SPAG16: variants seen among roughly 807,000 people sequenced by gnomAD.
SPAG16 encodes the protein sperm associated antigen 16.
SPAG16 carries 86 observed loss-of-function variants against 80.4 expected under a neutral mutation model. That is an observed-to-expected ratio of 1.07 (90% CI 0.90 to 1.28). The LOEUF (loss-of-function observed/expected upper bound fraction) is 1.28, where lower values mean the gene tolerates loss of function less well. Ranked by LOEUF, SPAG16 falls within the 50% of genes most tolerant of loss-of-function variation. SPAG16 has a pLI of 0.00. For missense variants in SPAG16, 870 were observed against 765.3 expected, an observed-to-expected ratio of 1.14 and a Z score of -1.61; for synonymous variants, 294 against 265.9, an observed-to-expected ratio of 1.11 and a Z score of -1.03.
intron 13 of SPAG16, among the ~76,000 whole-genome samples, chr2:214,092,048 AAATC>A (rs1317737063): frequency 2.0e-5 from 3 of 152,120 alleles, no homozygotes; most frequent in Non-Finnish European, 4.4e-5. Context: ...AAATAACTCA[AAATC>A]AATCAATAGG....
At chr2:213,715,222 G>GTCTGTCTGTCTATCTA (rs547716333) in intron 10 of SPAG16, among the ~76,000 whole-genome samples, 5 of 110,576 alleles carry the variant, frequency 4.5e-5, no homozygotes, top group African/African-American at 8.6e-5. Flanking sequence ...AGATCTATCT[G>GTCTGTCTGTCTATCTA]TCTATCTATC....
At chr2:213,356,993 A>G (rs933710192) in intron 7 of SPAG16, among the ~76,000 whole-genome samples, 1 of 151,906 alleles carries the variant, frequency 6.6e-6, no homozygotes, top group Non-Finnish European at 1.5e-5. Flanking sequence ...TTTCTGCCTT[A>G]ATTTCGTTAT....
At chr2:214,096,300 T>C (rs1258771982) in intron 13 of SPAG16, among the ~76,000 whole-genome samples, 1 of 152,060 alleles carries the variant, frequency 6.6e-6, no homozygotes, top group Non-Finnish European at 1.5e-5. Context: ...TGTAGAATTT[T>C]TTTCAAGGAA....
rs996648497 is a variant in SPAG16, at chr2:213,926,554, C to T, written c.1215-3406C>T. ...ATTTACTCTGAATTTTGCTGTTTCT[C>T]ATATGCTATTTAACCCATCCATTGA... On this transcript the variant is annotated intron_variant, in intron 11 of 15. Transcript: ENST00000331683. Among the ~76,000 whole-genome samples the T allele has an allele frequency of 3.9e-5, 6 of 152,032 alleles. No homozygotes were observed. The East Asian group carries it at 9.6e-4, about 24-fold the overall frequency.
chr2:214,407,901 T>C (rs114448892), intron 15 of SPAG16, among the ~76,000 whole-genome samples: 4,588 of 152,278 alleles, frequency 0.03, 96 homozygotes, highest in South Asian at 0.046. Context: ...GTAAATGAAG[T>C]TGAACATGAT....
intron 10 of SPAG16, among the ~76,000 whole-genome samples, chr2:213,607,678 T>A (rs892291245): frequency 2.6e-5 from 4 of 152,242 alleles, no homozygotes; most frequent in Non-Finnish European, 5.9e-5. Context: ...CTCTGTCTAA[T>A]GTGAGTTATC....
intron 10 of SPAG16, among the ~76,000 whole-genome samples, chr2:213,509,737 C>A (rs1044389721): frequency 6.6e-6 from 1 of 152,028 alleles, no homozygotes; most frequent in Non-Finnish European, 1.5e-5. Context: ...AATTGACACC[C>A]TAACATCACA....
At chr2:214,107,209 C>T (rs2053430147) in intron 13 of SPAG16, among the ~76,000 whole-genome samples, 1 of 152,058 alleles carries the variant, frequency 6.6e-6, no homozygotes, top group Admixed American at 6.6e-5. Flanking sequence ...CATTTTATGC[C>T]TTTATCACAA....
chr2:213,700,908 A>T (rs1046908343), intron 10 of SPAG16, among the ~76,000 whole-genome samples: 1 of 152,152 alleles, frequency 6.6e-6, no homozygotes, highest in Non-Finnish European at 1.5e-5. Context: ...GCACTTTGGG[A>T]GGCTGAGGTT....
At chr2:214,205,442 C>T (rs1315693184) in intron 15 of SPAG16, among the ~76,000 whole-genome samples, 1 of 152,056 alleles carries the variant, frequency 6.6e-6, no homozygotes, top group African/African-American at 2.4e-5. Context: ...TCCTGAAAAA[C>T]ATAATAATTT....
chr2:213,929,848 G>A lies in SPAG16; in HGVS notation c.1215-112G>A, dbSNP rs999194940. On this transcript the variant is annotated intron_variant, in intron 11 of 15. Coordinates refer to ENST00000331683, the MANE Select transcript of SPAG16 (RefSeq NM_024532.5). ...TAGTCATTTAGATATGCCACTACAA[G>A]TAAAAATAAATCAGATACATACACA... is the stretch of plus-strand genomic sequence containing the variant. 6.6e-6 allele frequency: 6 copies of A among 912,764 alleles called. No individual in the cohort carries two copies. In the Admixed American group the frequency reaches 1.1e-4, roughly 16 times the overall value. The allele number at this position is 912,764 out of a possible 1,614,324, so 56.5% of individuals were successfully genotyped here. A position where few individuals can be genotyped will look rare whatever the true frequency, so the allele number is the denominator to read the frequency against.
chr2:213,668,340 C>T (rs1400465283), intron 10 of SPAG16, among the ~76,000 whole-genome samples: 3 of 150,662 alleles, frequency 2.0e-5, no homozygotes, highest in African/African-American at 7.3e-5. Flanking sequence ...AATACATAGA[C>T]TATTGGTCTT....
intron 12 of SPAG16, among the ~76,000 whole-genome samples, chr2:213,986,372 T>C (rs189811382): frequency 3.6e-4 from 55 of 152,100 alleles, no homozygotes; most frequent in Non-Finnish European, 6.6e-4. Flanking sequence ...TAGTTATAAT[T>C]AACTATTCAA....
chr2:213,572,056 A>T (rs1453044268), intron 10 of SPAG16, among the ~76,000 whole-genome samples: 1 of 112,976 alleles, frequency 8.9e-6, no homozygotes, highest in Admixed American at 8.8e-5. Context: ...TGCATTCTTC[A>T]CGTAGTTCTC....
At chr2:213,616,958 A>G (rs2061616533) in intron 10 of SPAG16, among the ~76,000 whole-genome samples, 1 of 152,094 alleles carries the variant, frequency 6.6e-6, no homozygotes, top group Admixed American at 6.6e-5. Flanking sequence ...TGTTCAGGCT[A>G]TTGTAGCTCA....
At chr2:213,510,775 CAT>C (rs757192288) in intron 10 of SPAG16, among the ~76,000 whole-genome samples, 13 of 152,216 alleles carry the variant, frequency 8.5e-5, no homozygotes, top group Admixed American at 2.6e-4. Context: ...AAGTGAGAAA[CAT>C]GTGTCATATA....
At chr2:214,343,835 T>C (rs1697878923) in intron 15 of SPAG16, among the ~76,000 whole-genome samples, 2 of 152,122 alleles carry the variant, frequency 1.3e-5, no homozygotes, top group South Asian at 4.1e-4. Flanking sequence ...TAAAATTGAA[T>C]ATCTGGCTTA....
chr2:213,520,537 TGAGCCGA>T (rs930860883), intron 10 of SPAG16, among the ~76,000 whole-genome samples: 5 of 150,962 alleles, frequency 3.3e-5, no homozygotes, highest in Non-Finnish European at 7.4e-5. Flanking sequence ...GAGCTTGCAG[TGAGCCGA>T]GATCACACCA....
At chr2:214,270,614 G>A (rs558085160) in intron 15 of SPAG16, among the ~76,000 whole-genome samples, 145 of 152,110 alleles carry the variant, frequency 9.5e-4, no homozygotes, top group African/African-American at 3.4e-3. Context: ...ATGAGTGAAC[G>A]TATTAGCTTT....
Sources: gnomAD v4.1 joint callset for allele counts (sites outside exome capture counted in the v4.1 genomes callset) on GRCh38, gnomAD v4.1.1 for gene constraint, MANE v1.5 for transcripts, NCBI Gene and HGNC (gene_info 2026-07-23, HGNC 2026-07-21) for gene names.